TLE1: variants seen among roughly 807,000 people sequenced by gnomAD.
The protein encoded by TLE1 is TLE family member 1, transcriptional corepressor, also known as transducin-like enhancer protein 1.
In TLE1, 21 loss-of-function variants were observed where a neutral mutation model predicts 89.8. That is an observed-to-expected ratio of 0.23 (90% CI 0.17 to 0.34). The LOEUF is 0.34. TLE1 is among the 10% of genes least tolerant of loss of function. The pLI is 1.00. For missense variants in TLE1, 795 were observed against 1,031.2 expected, an observed-to-expected ratio of 0.77 and a Z score of 3.14; for synonymous variants, 447 against 407.6, an observed-to-expected ratio of 1.10 and a Z score of -1.16.
At chr9:81,648,973 T>C (rs1588117251) in intron 6 of TLE1, among the ~76,000 whole-genome samples, 1 of 152,202 alleles carries the variant, frequency 6.6e-6, no homozygotes, top group Non-Finnish European at 1.5e-5. Context: ...TTGTACACCT[T>C]TGCACTATAA....
At chr9:81,599,270 G>C (rs1303247829) in intron 14 of TLE1, among the ~76,000 whole-genome samples, 1 of 152,170 alleles carries the variant, frequency 6.6e-6, no homozygotes, top group Non-Finnish European at 1.5e-5. Context: ...GTAAGCGGTA[G>C]ACCAACTCCA....
intron 16 of TLE1, among the ~76,000 whole-genome samples, chr9:81,588,318 G>A (rs990679960): frequency 6.6e-5 from 10 of 152,170 alleles, no homozygotes; most frequent in African/African-American, 2.4e-4. Context: ...CTGTTTCCAT[G>A]AGTGAATCAA....
intron 9 of TLE1, among the ~76,000 whole-genome samples, chr9:81,618,100 T>C (rs992962441): frequency 4.6e-5 from 7 of 152,292 alleles, no homozygotes; most frequent in Non-Finnish European, 8.8e-5. Flanking sequence ...TGAAAAAGTC[T>C]ACCTTCTTAG....
intron 4 of TLE1, among the ~76,000 whole-genome samples, chr9:81,668,211 T>C (rs1361058294): frequency 6.6e-6 from 1 of 151,116 alleles, no homozygotes; most frequent in Non-Finnish European, 1.5e-5. Flanking sequence ...TTGGAAGTTG[T>C]GGTGGGCAAG....
chr9:81,603,811 G>A (rs986794708), intron 14 of TLE1, among the ~76,000 whole-genome samples: 6 of 152,148 alleles, frequency 3.9e-5, no homozygotes, highest in African/African-American at 1.4e-4. Flanking sequence ...AGACCAGCCT[G>A]GCCAACATGG....
At chr9:81,619,015 C>T (rs868542762) in intron 9 of TLE1, among the ~76,000 whole-genome samples, 10 of 152,272 alleles carry the variant, frequency 6.6e-5, no homozygotes, top group South Asian at 4.1e-4. Flanking sequence ...AAAACTACCA[C>T]GGCAAGCTTT....
At chr9:81,626,960 T>G (rs1414333811) in intron 8 of TLE1, among the ~76,000 whole-genome samples, 2 of 152,154 alleles carry the variant, frequency 1.3e-5, no homozygotes, top group African/African-American at 4.8e-5. Context: ...AAACAAAATC[T>G]CTATGTCAAA....
intron 4 of TLE1, among the ~76,000 whole-genome samples, chr9:81,684,806 G>C (rs184588991): frequency 0.034 from 5,129 of 152,266 alleles, 285 homozygotes; most frequent in African/African-American, 0.12. Context: ...AAAAGTGAAT[G>C]TCAGCGTATC....
At chr9:81,661,113 AC>A (rs1830729069) in intron 4 of TLE1, among the ~76,000 whole-genome samples, 1 of 150,584 alleles carries the variant, frequency 6.6e-6, no homozygotes, top group Admixed American at 6.6e-5. Context: ...GCAGAGTGAG[AC>A]TCGGTCTCAA....
At chr9:81,665,434 C>T (rs1195741438) in intron 4 of TLE1, among the ~76,000 whole-genome samples, 2 of 152,094 alleles carry the variant, frequency 1.3e-5, no homozygotes, top group Non-Finnish European at 2.9e-5. Flanking sequence ...GAGCTCTCTC[C>T]AACTGGGCCC....
intron 14 of TLE1, among the ~76,000 whole-genome samples, chr9:81,601,603 A>G (rs77141162): frequency 6.8e-6 from 1 of 147,870 alleles, no homozygotes; most frequent in African/African-American, 2.5e-5. Flanking sequence ...CAGTGCCAGA[A>G]AAAAAAAAAA....
chr9:81,588,227 T>A (rs1289660259), intron 16 of TLE1, among the ~76,000 whole-genome samples: 1 of 151,972 alleles, frequency 6.6e-6, no homozygotes, highest in African/African-American at 2.4e-5. Context: ...AAGATAAAGG[T>A]CTGTTCTTTA....
chr9:81,590,560 A>G (rs140900350), intron 16 of TLE1, among the ~76,000 whole-genome samples: 195 of 152,350 alleles, frequency 1.3e-3, no homozygotes, highest in African/African-American at 4.4e-3. Flanking sequence ...TGGAGTCTGT[A>G]TGTGGGCTGA....
At chr9:81,634,804 G>C (rs2132376097) in intron 6 of TLE1, among the ~76,000 whole-genome samples, 1 of 152,190 alleles carries the variant, frequency 6.6e-6, no homozygotes, top group Non-Finnish European at 1.5e-5. Context: ...CTCTCAACCT[G>C]TCACCAGGTA....
rs1020388032 is a variant in TLE1, at chr9:81,660,969, ACACACACAC to A, written c.235-6942_235-6934del. Among the ~76,000 whole-genome samples, 55 of 110,428 alleles carry A rather than the reference ACACACACAC, an allele frequency of 5.0e-4. 1 individual carries two copies. The South Asian group carries it at 5.7e-3, about 12-fold the overall frequency. 72.4% of individuals were successfully genotyped at this position (110,428 alleles called of 152,430 possible). A position where few individuals can be genotyped will look rare whatever the true frequency, so the allele number is the denominator to read the frequency against. Reference sequence around the variant, plus strand: ...CACACACACACACACACACACACACACACACACACATTTAGCCTGGCGTGGTGGCACGTG... The same window carrying A: ...CACACACACACACACACACACACACAATTTAGCCTGGCGTGGTGGCACGTG... On this transcript the variant is annotated intron_variant, in intron 4 of 19. Coordinates refer to ENST00000376499, the MANE Select transcript of TLE1 (RefSeq NM_005077.5).
intron 4 of TLE1, among the ~76,000 whole-genome samples, chr9:81,670,297 T>C (rs1390423395): frequency 6.6e-6 from 1 of 152,160 alleles, no homozygotes; most frequent in Non-Finnish European, 1.5e-5. Context: ...AATACCAATA[T>C]TCTCACAATG....
At chr9:81,660,659 G>A (rs1002220488) in intron 4 of TLE1, among the ~76,000 whole-genome samples, 8 of 150,734 alleles carry the variant, frequency 5.3e-5, no homozygotes, top group Admixed American at 2.6e-4. Flanking sequence ...CTCGTGATTC[G>A]CCGGTCTCAG....
In TLE1 at chr9:81,588,993, T is replaced by C. The variant is rs190748173; in HGVS notation, c.1830-1165A>G. Among the ~76,000 whole-genome samples the C allele has an allele frequency of 4.6e-5, 7 of 152,308 alleles. No homozygotes were observed. The East Asian group carries it at 1.4e-3, about 29-fold the overall frequency. On this transcript the variant is annotated intron_variant, in intron 16 of 19. Coordinates refer to ENST00000376499, the MANE Select transcript of TLE1 (RefSeq NM_005077.5). ...AAGCCAAGACGTGAACCATCACTTT[T>C]AAAATCTTCTCTCTGCAAGCCATCC...
chr9:81,596,967 G>T (rs115328711), intron 14 of TLE1, among the ~76,000 whole-genome samples: 1 of 152,176 alleles, frequency 6.6e-6, no homozygotes, highest in South Asian at 2.1e-4. Flanking sequence ...AGAGGAAGTC[G>T]AGGGGAAGGC....
Sources: gnomAD v4.1 joint callset for allele counts (sites outside exome capture counted in the v4.1 genomes callset) on GRCh38, gnomAD v4.1.1 for gene constraint, MANE v1.5 for transcripts, NCBI Gene and HGNC (gene_info 2026-07-23, HGNC 2026-07-21) for gene names.